SLC5A3: variants seen among roughly 807,000 people sequenced by gnomAD.
SLC5A3 encodes solute carrier family 5 member 3, also known as sodium/myo-inositol cotransporter.
SLC5A3 carries 10 observed loss-of-function variants against 43.2 expected under a neutral mutation model. That is an observed-to-expected ratio of 0.23 (90% CI 0.14 to 0.39). The LOEUF (loss-of-function observed/expected upper bound fraction) is 0.39. SLC5A3 is among the 10% of genes least tolerant of loss of function. The probability of loss-of-function intolerance (pLI) is 1.00; values close to 1 mark genes in which losing one functional copy is unlikely to be tolerated. For synonymous variants in SLC5A3, 349 were observed against 322.0 expected (o/e 1.08, Z -0.90); for missense variants, 608 against 893.4 (o/e 0.68, Z 4.07).
At chr21:34,077,859 T>C (rs1989370427) in intron 1 of SLC5A3, among the ~76,000 whole-genome samples, 3 of 152,234 alleles carry the variant, frequency 2.0e-5, no homozygotes, top group Non-Finnish European at 4.4e-5. Flanking sequence ...AGAGTTTTTC[T>C]CTAAATGCAA....
At position 34,102,134 on chromosome 21, in the gene SLC5A3, G is replaced by GT; in HGVS notation, c.*4784dup. On this transcript the variant is annotated 3_prime_UTR_variant, in exon 2 of 2. Coordinates refer to ENST00000381151, the MANE Select transcript of SLC5A3 (RefSeq NM_006933.7). ...CTGTCAAGGTCACTTAATATGGAATGTTTTTGTCAGACTGTCCTTTGTTGG... is the reference window on the plus strand; with the variant it reads ...CTGTCAAGGTCACTTAATATGGAATGTTTTTTGTCAGACTGTCCTTTGTTGG... The GT allele has an allele frequency of 2.0e-6, 2 of 1,000,144 alleles. No individual in the cohort carries two copies. Among genetic ancestry groups the GT allele is most frequent in the Non-Finnish European group, 2.4e-6 (2 of 829,902 alleles). The allele number at this position is 1,000,144 out of a possible 1,614,324, so 62.0% of individuals were successfully genotyped here. A position where few individuals can be genotyped will look rare whatever the true frequency, so the allele number is the denominator to read the frequency against.
intron 1 of SLC5A3, among the ~76,000 whole-genome samples, chr21:34,092,001 A>G (rs888862282): frequency 6.6e-6 from 1 of 152,170 alleles, no homozygotes; most frequent in African/African-American, 2.4e-5. Context: ...TAAAAATACA[A>G]GTTAAAAAGC....
chr21:34,077,349 C>T (rs1225950652), intron 1 of SLC5A3, among the ~76,000 whole-genome samples: 3 of 152,192 alleles, frequency 2.0e-5, no homozygotes, highest in African/African-American at 7.2e-5. Flanking sequence ...CTGTGCAATA[C>T]ATAAGTATTT....
intron 1 of SLC5A3, among the ~76,000 whole-genome samples, chr21:34,075,138 A>C (rs1309433635): frequency 6.6e-6 from 1 of 152,226 alleles, no homozygotes; most frequent in African/African-American, 2.4e-5. Flanking sequence ...AATTAGGTGG[A>C]AGTTGTTTAA....
chr21:34,087,794 G>A (rs1271174509), intron 1 of SLC5A3, among the ~76,000 whole-genome samples: 1 of 152,266 alleles, frequency 6.6e-6, no homozygotes, highest in Non-Finnish European at 1.5e-5. Context: ...AAGAGGCTGG[G>A]ACAGTGATCT....
At position 34,073,618 on chromosome 21, in the gene SLC5A3, G is replaced by C. The variant is rs551668379; in HGVS notation, c.-464G>C. Reference sequence around the variant, plus strand: ...GAGCCGTCCGGCGCAGCAGTTTCTAGGTCCCCACTGTCCCCGCCGTCCCGC... The same window carrying C: ...GAGCCGTCCGGCGCAGCAGTTTCTACGTCCCCACTGTCCCCGCCGTCCCGC... On this transcript the variant is annotated 5_prime_UTR_variant, in exon 1 of 2. Transcript: ENST00000381151. The C allele has an allele frequency of 5.7e-5, 71 of 1,250,518 alleles. No homozygotes were observed. The highest frequency in any genetic ancestry group is 5.6e-5 in the Non-Finnish European group (50 of 900,768). 77.5% of individuals were successfully genotyped at this position (1,250,518 alleles called of 1,614,324 possible).
chr21:34,086,209 GGTTTTGTTTT>G (rs528305689), intron 1 of SLC5A3, among the ~76,000 whole-genome samples: 3 of 152,202 alleles, frequency 2.0e-5, no homozygotes, highest in South Asian at 2.1e-4. Context: ...ATTAGATTCA[GGTTTTGTTTT>G]GTTTTGTTTT....
At position 34,103,531 on chromosome 21, in the gene SLC5A3, C is replaced by G; in HGVS notation, c.*6176C>G. On this transcript the variant is annotated 3_prime_UTR_variant, in exon 2 of 2. Coordinates refer to ENST00000381151, the MANE Select transcript of SLC5A3 (RefSeq NM_006933.7). ...TATATCGAGAACAGGTACGTGACAA[C>G]AGTTTATATTCCATGATAGAAAGCT... 4 of 999,994 alleles carry G rather than the reference C, an allele frequency of 4.0e-6. No homozygotes were observed. The highest frequency in any genetic ancestry group is 4.8e-6 in the Non-Finnish European group (4 of 829,788). 61.9% of individuals were successfully genotyped at this position (999,994 alleles called of 1,614,324 possible).
chr21:34,102,875 A>G lies in SLC5A3; in HGVS notation c.*5520A>G. 1 of 999,910 alleles carries G rather than the reference A, an allele frequency of 1.0e-6. No homozygotes were observed. The highest frequency in any genetic ancestry group is 1.2e-6 in the Non-Finnish European group (1 of 829,906). The allele number at this position is 999,910 out of a possible 1,614,324, so 61.9% of individuals were successfully genotyped here. On this transcript the variant is annotated 3_prime_UTR_variant, in exon 2 of 2. Transcript: ENST00000381151. ...AGCTCTATCAATAAGAGGAATACAT[A>G]TTACAGTGAATTCGACAACCGCACA...
chr21:34,096,206 C>G lies in SLC5A3; in HGVS notation c.1008C>G (p.Cys336Trp). The G allele has an allele frequency of 6.2e-7, 1 of 1,614,206 alleles. No homozygotes were observed. The highest frequency in any genetic ancestry group is 8.5e-7 in the Non-Finnish European group (1 of 1,180,026). ...TAGCTTGCATCAACCCAGAGCACTG[C>G]ATGCTGGTGTGTGGAAGCAGAGCTG... ...DDIACINPEH[C>W]MLVCGSRAGC... The change falls in exon 2 of 2, where the codon TGC becomes TGG. Residue 336 changes from cysteine to tryptophan, a missense_variant. Cys to Trp is a radical substitution (Grantham distance 215). Coordinates refer to ENST00000381151, the MANE Select transcript of SLC5A3 (RefSeq NM_006933.7). This position sits in a 1 kb window ranked among gnomAD's most constrained non-coding sequence, Gnocchi z 5.9.
At chr21:34,073,831 G>A in intron 1 of SLC5A3, 86 bp downstream of exon 1, 3 of 1,056,326 alleles carry the variant, frequency 2.8e-6, no homozygotes, top group South Asian at 3.5e-5. Context: ...CCCTGGCCGC[G>A]GGACCCCGGG....
rs1454529495 is a variant in SLC5A3 at position 34,080,905 on chromosome 21, G to T, written c.-337+7160G>T. On this transcript the variant is annotated intron_variant, in intron 1 of 1. Transcript: ENST00000381151. ...TCAGTGCACTTCGCTCACGCTGGGTGAGTTGTATGTTACCAGAAGTTGTGT... is the reference window on the plus strand; with the variant it reads ...TCAGTGCACTTCGCTCACGCTGGGTTAGTTGTATGTTACCAGAAGTTGTGT... Among the ~76,000 whole-genome samples the T allele has an allele frequency of 2.0e-5, 3 of 152,336 alleles. No homozygotes were observed. The East Asian group carries it at 5.8e-4, about 29-fold the overall frequency.
In SLC5A3 at chr21:34,073,656, C is replaced by T. The variant is rs370477500; in HGVS notation, c.-426C>T. 234 of 1,507,512 alleles carry T rather than the reference C, an allele frequency of 1.6e-4. No individual in the cohort carries two copies. Among genetic ancestry groups the T allele is most frequent in the Middle Eastern group, 1.0e-3 (5 of 4,960 alleles). 93.4% of individuals were successfully genotyped at this position (1,507,512 alleles called of 1,614,324 possible). A position where few individuals can be genotyped will look rare whatever the true frequency, so the allele number is the denominator to read the frequency against. ...CCCGCCGTCCCGCCCCTTCGCGTCC[C>T]GGGAACCGGCTGGCTTCCGAGCCGC... On this transcript the variant is annotated 5_prime_UTR_variant, in exon 1 of 2. Transcript: ENST00000381151.
chr21:34,075,681 C>T (rs1489271576), intron 1 of SLC5A3, among the ~76,000 whole-genome samples: 1 of 152,194 alleles, frequency 6.6e-6, no homozygotes, highest in Non-Finnish European at 1.5e-5. Flanking sequence ...TGAGGAGATC[C>T]TTGACCTAAA....
chr21:34,103,634 T>A lies in SLC5A3; in HGVS notation c.*6279T>A. ...AGAAAGCACAAGACTAATAGTATTC[T>A]CTGTATCCCACAAGTGCCAGTCATA... On this transcript the variant is annotated 3_prime_UTR_variant, in exon 2 of 2. Coordinates refer to ENST00000381151, the MANE Select transcript of SLC5A3 (RefSeq NM_006933.7). 4.0e-6 allele frequency: 4 copies of A among 1,000,180 alleles called. No individual in the cohort carries two copies. Among genetic ancestry groups the A allele is most frequent in the Non-Finnish European group, 4.8e-6 (4 of 829,930 alleles). The allele number at this position is 1,000,180 out of a possible 1,614,324, so 62.0% of individuals were successfully genotyped here.
rs1366246203 is a variant in SLC5A3, at chr21:34,101,155, T to C, written c.*3800T>C. Reference sequence around the variant, plus strand: ...CAGAAAAATGATTAAGTGAGATAAGTACCTGGGTGACACAGATATTAGCCC... The same window carrying C: ...CAGAAAAATGATTAAGTGAGATAAGCACCTGGGTGACACAGATATTAGCCC... On this transcript the variant is annotated 3_prime_UTR_variant, in exon 2 of 2. Coordinates refer to ENST00000381151, the MANE Select transcript of SLC5A3 (RefSeq NM_006933.7). The C allele has an allele frequency of 1.0e-6, 1 of 999,996 alleles. No individual in the cohort carries two copies. Among genetic ancestry groups the C allele is most frequent in the East Asian group, 1.1e-4 (1 of 8,822 alleles). The allele number at this position is 999,996 out of a possible 1,614,324, so 61.9% of individuals were successfully genotyped here.
rs1001107294 is a variant in SLC5A3, at chr21:34,106,258, T to C, written c.*8903T>C. 5.0e-6 allele frequency: 4 copies of C among 807,810 alleles called. No individual in the cohort carries two copies. Among genetic ancestry groups the C allele is most frequent in the Admixed American group, 1.2e-4 (2 of 16,024 alleles). The allele number at this position is 807,810 out of a possible 1,614,324, so 50.0% of individuals were successfully genotyped here. A position where few individuals can be genotyped will look rare whatever the true frequency, so the allele number is the denominator to read the frequency against. On this transcript the variant is annotated 3_prime_UTR_variant, in exon 2 of 2. Transcript: ENST00000381151. ...ACCAACTTTGAATAAAATGAAAAAT[T>C]TATATTTCTGTGACTAAGTATTTTC...
Position 34,097,807 on chromosome 21 carries a change from A to G in SLC5A3, c.*452A>G, listed in dbSNP as rs1166521156. 9 of 999,962 alleles carry G rather than the reference A, an allele frequency of 9.0e-6. No homozygotes were observed. The East Asian group carries it at 6.8e-4, about 75-fold the overall frequency. The allele number at this position is 999,962 out of a possible 1,614,324, so 61.9% of individuals were successfully genotyped here. On this transcript the variant is annotated 3_prime_UTR_variant, in exon 2 of 2. Coordinates refer to ENST00000381151, the MANE Select transcript of SLC5A3 (RefSeq NM_006933.7). ...AAAACTTATTTCTTAGACATTGTAC[A>G]ATCAGTTATGTACTGAAAATCGAAT...
In SLC5A3 at chr21:34,102,768, A is replaced by T. The variant is rs946894134; in HGVS notation, c.*5413A>T. On this transcript the variant is annotated 3_prime_UTR_variant, in exon 2 of 2. Transcript: ENST00000381151. ...AGTGTGGGAACAGTGGTTTTGCTCT[A>T]TACCACTGAAAAGCACTATAACATA... 1 of 1,000,040 alleles carries T rather than the reference A, an allele frequency of 1.0e-6. No individual in the cohort carries two copies. The highest frequency in any genetic ancestry group is 1.7e-5 in the African/African-American group (1 of 57,230). 61.9% of individuals were successfully genotyped at this position (1,000,040 alleles called of 1,614,324 possible). A position where few individuals can be genotyped will look rare whatever the true frequency, so the allele number is the denominator to read the frequency against.
Sources: allele counts gnomAD v4.1 joint callset (sites outside exome capture counted in the v4.1 genomes callset), GRCh38; gene constraint gnomAD v4.1.1; non-coding constraint Gnocchi (gnomAD v3.1); transcripts MANE v1.5; gene names NCBI Gene and HGNC (gene_info 2026-07-23, HGNC 2026-07-21).